CACNA2D3: variants seen among roughly 807,000 people sequenced by gnomAD.
The protein encoded by CACNA2D3 is calcium voltage-gated channel auxiliary subunit alpha2delta 3.
A neutral mutation model predicts 160.6 loss-of-function variants in CACNA2D3; 60 were observed. The observed-to-expected ratio is 0.37, with a 90% CI of 0.30 to 0.46. CACNA2D3 has a LOEUF of 0.46. CACNA2D3 is among the 20% of genes least tolerant of loss of function. The pLI is 1.00. For missense variants in CACNA2D3, 1,205 were observed against 1,365.0 expected (o/e 0.88, Z 1.85); for synonymous variants, 558 against 492.9 (o/e 1.13, Z -1.75).
Position 54,816,874 on chromosome 3 carries a change from A to T in CACNA2D3, c.1398+4A>T, listed in dbSNP as rs773120984. 6.2e-7 allele frequency: 1 copy of T among 1,613,590 alleles called. No homozygotes were observed. Among genetic ancestry groups the T allele is most frequent in the African/African-American group, 1.3e-5 (1 of 74,876 alleles). On this transcript the variant is annotated splice_donor_region_variant and intron_variant, in intron 14 of 37. Transcript: ENST00000474759. ...TCAGCTCCCTCAGGCACAAAAGGTA[A>T]ATTCTCTTCTGTCACATTCCAGTCA...
intron 27 of CACNA2D3, among the ~76,000 whole-genome samples, chr3:54,962,769 G>A (rs1053389502): frequency 2.6e-5 from 4 of 152,120 alleles, no homozygotes; most frequent in Non-Finnish European, 4.4e-5. Flanking sequence ...TGAATATATT[G>A]TATGACTGGA....
intron 23 of CACNA2D3, among the ~76,000 whole-genome samples, chr3:54,886,814 G>T (rs1006523509): frequency 1.1e-4 from 17 of 150,926 alleles, no homozygotes; most frequent in Non-Finnish European, 2.5e-4. Flanking sequence ...TTTGAAATTT[G>T]TGTTGATCAT....
At chr3:54,216,024 G>T (rs78385995) in intron 2 of CACNA2D3, among the ~76,000 whole-genome samples, 1 of 151,912 alleles carries the variant, frequency 6.6e-6, no homozygotes, top group Non-Finnish European at 1.5e-5. Flanking sequence ...GTCCTGTGTT[G>T]GTCCCCCGAA....
At chr3:54,487,604 G>A (rs1701035756) in intron 4 of CACNA2D3, among the ~76,000 whole-genome samples, 1 of 152,128 alleles carries the variant, frequency 6.6e-6, no homozygotes, top group African/African-American at 2.4e-5. Context: ...CCATGAACAA[G>A]ATTAAAAATA....
intron 3 of CACNA2D3, among the ~76,000 whole-genome samples, chr3:54,357,594 C>T (rs771645163): frequency 1.9e-4 from 29 of 152,186 alleles, no homozygotes; most frequent in Non-Finnish European, 2.8e-4. Context: ...GAGTTGAAAA[C>T]GTATGTCCAA....
chr3:54,349,688 CT>C (rs530320003), intron 3 of CACNA2D3, among the ~76,000 whole-genome samples: 23 of 152,274 alleles, frequency 1.5e-4, no homozygotes, highest in African/African-American at 4.6e-4. Context: ...TGAAAAATCA[CT>C]CCCCCCTCCC....
chr3:54,764,730 A>G (rs113884597), intron 13 of CACNA2D3, among the ~76,000 whole-genome samples: 7 of 152,290 alleles, frequency 4.6e-5, no homozygotes, highest in African/African-American at 1.2e-4. Context: ...TTGTGTCTCA[A>G]TTGGGAATGT....
intron 5 of CACNA2D3, among the ~76,000 whole-genome samples, chr3:54,536,692 A>G (rs1227632424): frequency 3.3e-5 from 5 of 152,208 alleles, no homozygotes; most frequent in African/African-American, 1.2e-4. Context: ...AAAAGCAGAG[A>G]ATGCCATGTG....
At chr3:54,215,946 G>A (rs1240496923) in intron 2 of CACNA2D3, among the ~76,000 whole-genome samples, 1 of 151,924 alleles carries the variant, frequency 6.6e-6, no homozygotes, top group African/African-American at 2.4e-5. Context: ...ATTGTGGAAG[G>A]TATGCATGTG....
chr3:54,480,553 A>G (rs150663570), intron 4 of CACNA2D3, among the ~76,000 whole-genome samples: 22 of 152,332 alleles, frequency 1.4e-4, no homozygotes, highest in African/African-American at 4.8e-4. Flanking sequence ...GAAAAATCAT[A>G]AAAGCAGGGG....
chr3:54,242,052 T>TATAC (rs1212239624), intron 2 of CACNA2D3, among the ~76,000 whole-genome samples: 2 of 152,174 alleles, frequency 1.3e-5, no homozygotes, highest in African/African-American at 2.4e-5. Flanking sequence ...TGTGTTTTCC[T>TATAC]ATACATACAT....
chr3:54,695,537 A>C (rs967428482), intron 11 of CACNA2D3, among the ~76,000 whole-genome samples: 1 of 152,158 alleles, frequency 6.6e-6, no homozygotes, highest in Admixed American at 6.6e-5. Flanking sequence ...GGAGAGTTCT[A>C]TTAATGCACA....
intron 34 of CACNA2D3, among the ~76,000 whole-genome samples, chr3:55,012,323 G>A (rs1312087593): frequency 6.6e-6 from 1 of 152,110 alleles, no homozygotes; most frequent in Non-Finnish European, 1.5e-5. Context: ...TAACCGAAAT[G>A]TCTGGTTATT....
intron 13 of CACNA2D3, among the ~76,000 whole-genome samples, chr3:54,800,468 T>C (rs2106669294): frequency 6.6e-6 from 1 of 152,346 alleles, no homozygotes; most frequent in Non-Finnish European, 1.5e-5. Flanking sequence ...GGCTGAAGAA[T>C]GGCAATTTTA....
At chr3:54,428,089 G>C (rs1030035955) in intron 4 of CACNA2D3, among the ~76,000 whole-genome samples, 1 of 152,196 alleles carries the variant, frequency 6.6e-6, no homozygotes, top group Admixed American at 6.5e-5. Flanking sequence ...CTTGACAGGG[G>C]TGAAATAGCA....
intron 5 of CACNA2D3, among the ~76,000 whole-genome samples, chr3:54,545,582 T>C (rs1702048347): frequency 2.0e-5 from 3 of 152,244 alleles, no homozygotes; most frequent in Admixed American, 6.5e-5. Flanking sequence ...CATTAAACTT[T>C]CCTTGCTGGT....
chr3:54,291,938 T>C (rs1314268394), intron 2 of CACNA2D3, among the ~76,000 whole-genome samples: 1 of 152,224 alleles, frequency 6.6e-6, no homozygotes, highest in Non-Finnish European at 1.5e-5. Context: ...AGATAATTAA[T>C]GGTAAGTAAT....
chr3:54,734,582 C>A (rs1701459406), intron 11 of CACNA2D3, among the ~76,000 whole-genome samples: 1 of 152,090 alleles, frequency 6.6e-6, no homozygotes, highest in Admixed American at 6.5e-5. Flanking sequence ...TGCGTGACAC[C>A]CCATCACTAC....
chr3:54,735,124 G>A (rs1701470541), intron 11 of CACNA2D3, among the ~76,000 whole-genome samples: 1 of 152,220 alleles, frequency 6.6e-6, no homozygotes, highest in Non-Finnish European at 1.5e-5. Context: ...AAGCTGTATT[G>A]ACAATGAATT....
Sources: allele counts gnomAD v4.1 joint callset (sites outside exome capture counted in the v4.1 genomes callset), GRCh38; gene constraint gnomAD v4.1.1; transcripts MANE v1.5; gene names NCBI Gene and HGNC (gene_info 2026-07-23, HGNC 2026-07-21).